Variants in AMZ1 observed in about 807,000 individuals in gnomAD.
The protein encoded by AMZ1 is archaemetzincin-1.
AMZ1 carries 39 observed loss-of-function variants against 29.9 expected under a neutral mutation model. The ratio of observed to expected loss-of-function variants is 1.30; its 90% CI spans 1.01 to 1.70. The LOEUF (loss-of-function observed/expected upper bound fraction) is 1.70, where lower values mean the gene tolerates loss of function less well. Ranked by LOEUF, AMZ1 falls within the 40% of genes most tolerant of loss-of-function variation. AMZ1 has a pLI of 0.00. For synonymous variants in AMZ1, 458 were observed against 304.0 expected (o/e 1.51, Z -5.27); for missense variants, 1,041 against 680.6 (o/e 1.53, Z -5.89).
downstream of AMZ1, among the ~76,000 whole-genome samples, chr7:2,723,447 G>T (rs373989040): frequency 2.0e-4 from 30 of 152,354 alleles, no homozygotes; most frequent in African/African-American, 7.0e-4. Flanking sequence ...AAGTGTCCTC[G>T]GCCTAGTTTG....
chr7:2,708,515 G>T, intron 3 of AMZ1, 73 bp from the exon 4 acceptor site: 1 of 1,592,108 alleles, frequency 6.3e-7, no homozygotes, highest in Non-Finnish European at 8.5e-7. Context: ...GGATGACGGG[G>T]TGCCAGCCTG....
At chr7:2,708,119 G>A (rs933763644) in intron 3 of AMZ1, among the ~76,000 whole-genome samples, 3 of 152,112 alleles carry the variant, frequency 2.0e-5, no homozygotes, top group East Asian at 1.9e-4. Context: ...CACTGTGCCC[G>A]GCCTTACCGA....
chr7:2,725,747 G>A (rs574308503), intron 4 of AMZ1, among the ~76,000 whole-genome samples: 5 of 152,350 alleles, frequency 3.3e-5, no homozygotes, highest in East Asian at 1.9e-4. Context: ...CTCAAAAGGC[G>A]GCTTCAGCTC....
chr7:2,763,204 A>C (rs1009152633), upstream of AMZ1: 3 of 208,460 alleles, frequency 1.4e-5, no homozygotes, highest in African/African-American at 8.9e-5. Context: ...ACACACACAC[A>C]CACACACACA....
In AMZ1 at chr7:2,712,541, A is replaced by G. The variant is rs1443112228; in HGVS notation, c.1160A>G (p.Tyr387Cys). 22 of 1,609,092 alleles carry G rather than the reference A, an allele frequency of 1.4e-5. No individual in the cohort carries two copies. Among genetic ancestry groups the G allele is most frequent in the Non-Finnish European group, 1.9e-5 (22 of 1,177,920 alleles). ...TCGGGGCCAGAGGAAGGGCTGAGCTACCTGGCAGCCTCAGAGGCTCCGCTG... is the reference window on the plus strand; with the variant it reads ...TCGGGGCCAGAGGAAGGGCTGAGCTGCCTGGCAGCCTCAGAGGCTCCGCTG... ...FASGPEEGLS[Y>C]LAASEAPLPP... is the part of the protein sequence containing the mutation. The change falls in exon 7 of 7, where the codon TAC becomes TGC. Residue 387 changes from tyrosine (Y) to cysteine (C), a missense_variant. Tyr to Cys is a radical substitution (Grantham distance 194). Coordinates refer to ENST00000683327, the MANE Select transcript of AMZ1 (RefSeq NM_001384743.1).
At chr7:2,740,037 C>G (rs1025667044) in intron 4 of AMZ1, among the ~76,000 whole-genome samples, 3 of 152,170 alleles carry the variant, frequency 2.0e-5, no homozygotes, top group African/African-American at 7.2e-5. Context: ...GGCGGCTGCA[C>G]AAGTTTACAT....
intron 3 of AMZ1, among the ~76,000 whole-genome samples, chr7:2,707,869 G>A (rs1204160918): frequency 7.1e-6 from 1 of 141,514 alleles, no homozygotes; most frequent in Non-Finnish European, 1.5e-5. Context: ...TGTTGCCCAG[G>A]CTAGAGGGCA....
At chr7:2,749,812 G>T (rs1336634000) in intron 4 of AMZ1, among the ~76,000 whole-genome samples, 1 of 152,088 alleles carries the variant, frequency 6.6e-6, no homozygotes, top group East Asian at 1.9e-4. Flanking sequence ...AGAGAGGAAA[G>T]AATCAGTGAC....
intron 4 of AMZ1, among the ~76,000 whole-genome samples, chr7:2,740,037 C>T (rs1025667044): frequency 6.6e-6 from 1 of 152,170 alleles, no homozygotes; most frequent in Non-Finnish European, 1.5e-5. Flanking sequence ...GGCGGCTGCA[C>T]AAGTTTACAT....
intron 4 of AMZ1, among the ~76,000 whole-genome samples, chr7:2,758,919 T>A (rs1791426341): frequency 6.6e-6 from 1 of 152,040 alleles, no homozygotes; most frequent in South Asian, 2.1e-4. Context: ...CCGAGGTGGA[T>A]CACCTGAGGT....
intron 4 of AMZ1, among the ~76,000 whole-genome samples, chr7:2,754,513 C>T (rs1172540579): frequency 1.3e-5 from 2 of 151,692 alleles, no homozygotes; most frequent in East Asian, 3.9e-4. Context: ...GAGGCCAGGG[C>T]AGGAAGATCC....
chr7:2,758,620 G>A (rs1054441012), intron 4 of AMZ1, among the ~76,000 whole-genome samples: 23 of 152,110 alleles, frequency 1.5e-4, no homozygotes, highest in Non-Finnish European at 2.9e-5. Flanking sequence ...AAGGAACCTG[G>A]GGGAACCCCT....
upstream of AMZ1, among the ~76,000 whole-genome samples, chr7:2,761,803 C>G (rs559674812): frequency 3.3e-5 from 5 of 152,308 alleles, no homozygotes; most frequent in East Asian, 9.6e-4. Flanking sequence ...GAAGAGATGA[C>G]CAACTAATGC....
rs1242443793 is a variant in AMZ1, at chr7:2,731,073, A to ACGGATC, written n.550+21260_550+21265dup. On this transcript the variant is annotated intron_variant and non_coding_transcript_variant, in intron 4 of 4. Coordinates refer to the AMZ1 transcript ENST00000489665. The surrounding 1 kb of genome is among the most constrained non-coding windows in gnomAD (Gnocchi z 6.0). ...ATTCCTGAGCCAGGTATTCCAGGGC[A>ACGGATC]CGGATCCGAGAAACCCACTCAAGGA... 7.1e-6 allele frequency: 5 copies of ACGGATC among 706,320 alleles called. No homozygotes were observed. In the African/African-American group the frequency reaches 8.8e-5, roughly 12 times the overall value. 43.8% of individuals were successfully genotyped at this position (706,320 alleles called of 1,614,324 possible).
At chr7:2,703,215 C>T (rs78081430) in intron 3 of AMZ1, among the ~76,000 whole-genome samples, 3 of 152,120 alleles carry the variant, frequency 2.0e-5, no homozygotes, top group Non-Finnish European at 2.9e-5. Flanking sequence ...GGCGCGATCT[C>T]GGCTCACTGC....
chr7:2,713,099 G>A lies in AMZ1; in HGVS notation c.*221G>A. ...CAAAAGAAAAATTAAAAAATTAGCT[G>A]GATGAAGTGGTTCATGCCTGTGTTC... On this transcript the variant is annotated 3_prime_UTR_variant, in exon 7 of 7. Coordinates refer to ENST00000683327, the MANE Select transcript of AMZ1 (RefSeq NM_001384743.1). The A allele has an allele frequency of 2.3e-6, 1 of 438,004 alleles. No individual in the cohort carries two copies. Among genetic ancestry groups the A allele is most frequent in the Non-Finnish European group, 3.9e-6 (1 of 257,340 alleles). 27.1% of individuals were successfully genotyped at this position (438,004 alleles called of 1,614,324 possible).
chr7:2,695,996 G>A (rs1257038554), intron 1 of AMZ1, among the ~76,000 whole-genome samples: 6 of 141,286 alleles, frequency 4.2e-5, no homozygotes, highest in Admixed American at 2.2e-4. Context: ...GTGACAGAGC[G>A]AAACTGTCTT....
At position 2,740,901 on chromosome 7, in the gene AMZ1, C is replaced by T. The variant is rs149794742; in HGVS notation, n.551-23811C>T. ...CTACTAAAAATACAAAAAAATTAGT[C>T]GGGCGTGGTGGCAGGTGCCTGTAGT... On this transcript the variant is annotated intron_variant and non_coding_transcript_variant, in intron 4 of 4. Transcript: ENST00000489665. 1.3e-4 allele frequency among the ~76,000 whole-genome samples: 20 copies of T among 152,166 alleles called. No homozygotes were observed. The East Asian group carries it at 1.9e-3, about 15-fold the overall frequency.
Position 2,742,724 on chromosome 7 carries a change from T to G in AMZ1, n.551-21988T>G, listed in dbSNP as rs529171396. On this transcript the variant is annotated intron_variant and non_coding_transcript_variant, in intron 4 of 4. Coordinates refer to the AMZ1 transcript ENST00000489665. ...AATTCCTCTTGGTAATGCTTATAAATTTTCTGTACACAGGTGATGCACATC... is the reference window on the plus strand; with the variant it reads ...AATTCCTCTTGGTAATGCTTATAAAGTTTCTGTACACAGGTGATGCACATC... Among the ~76,000 whole-genome samples, 5 of 152,364 alleles carry G rather than the reference T, an allele frequency of 3.3e-5. No individual in the cohort carries two copies. In the East Asian group the frequency reaches 9.6e-4, roughly 29 times the overall value.
Sources: allele counts gnomAD v4.1 joint callset (sites outside exome capture counted in the v4.1 genomes callset), GRCh38; gene constraint gnomAD v4.1.1; non-coding constraint Gnocchi (gnomAD v3.1); transcripts MANE v1.5; gene names NCBI Gene and HGNC (gene_info 2026-07-23, HGNC 2026-07-21).